FSTL4: variants seen among roughly 807,000 people sequenced by gnomAD.
FSTL4 encodes follistatin like 4, also known as follistatin-related protein 4.
Under a neutral mutation model 78.2 loss-of-function variants are expected in FSTL4, and 28 were observed. That is an observed-to-expected ratio of 0.36 (90% confidence interval 0.27 to 0.49). The LOEUF (loss-of-function observed/expected upper bound fraction) is 0.49. Ranked by LOEUF, FSTL4 falls within the 20% of genes least tolerant of loss-of-function variation. The pLI is 0.98. For missense variants in FSTL4, 922 were observed against 1,084.9 expected (o/e 0.85, Z 2.11); for synonymous variants, 422 against 440.5 (o/e 0.96, Z 0.53).
At chr5:133,810,351 C>T in the FSTL4 span, among the ~76,000 whole-genome samples, 99,709 of 152,074 alleles carry the variant, frequency 0.66, 33,267 homozygotes, top group East Asian at 0.81. Flanking sequence ...ACAGGATTTG[C>T]ATTTCGAAAA....
the FSTL4 span, among the ~76,000 whole-genome samples, chr5:133,793,406 G>A: frequency 6.6e-6 from 1 of 152,252 alleles, no homozygotes; most frequent in Non-Finnish European, 1.5e-5. Flanking sequence ...GCACCCTGCT[G>A]AGCTCCCGCC....
At chr5:133,570,021 A>T (rs1760115691) in intron 2 of FSTL4, among the ~76,000 whole-genome samples, 1 of 151,846 alleles carries the variant, frequency 6.6e-6, no homozygotes, top group African/African-American at 2.4e-5. Context: ...CATCCTGGCT[A>T]ACACGGTGAA....
the FSTL4 span, among the ~76,000 whole-genome samples, chr5:133,767,510 G>C: frequency 6.6e-6 from 1 of 152,206 alleles, no homozygotes; most frequent in African/African-American, 2.4e-5. Context: ...ATCTATGCTA[G>C]GGAGTTTGCT....
chr5:133,750,305 A>G, the FSTL4 span, among the ~76,000 whole-genome samples: 60 of 152,340 alleles, frequency 3.9e-4, no homozygotes, highest in African/African-American at 1.4e-3. Context: ...AGCCCAAAGC[A>G]GTGGTGAATT....
chr5:133,372,900 C>G (rs1297735513), intron 4 of FSTL4, among the ~76,000 whole-genome samples: 2 of 152,202 alleles, frequency 1.3e-5, no homozygotes, highest in African/African-American at 4.8e-5. Flanking sequence ...TTCTTTGTCA[C>G]AGCTGCTTTC....
intron 3 of FSTL4, among the ~76,000 whole-genome samples, chr5:133,473,717 C>T (rs1331042889): frequency 6.6e-6 from 1 of 152,140 alleles, no homozygotes; most frequent in Admixed American, 6.5e-5. Flanking sequence ...GGGTAATTTA[C>T]AGAGGAAAGA....
intron 3 of FSTL4, among the ~76,000 whole-genome samples, chr5:133,498,739 G>A (rs1758424496): frequency 6.7e-6 from 1 of 148,560 alleles, no homozygotes; most frequent in South Asian, 2.1e-4. Flanking sequence ...AAAGGATCAT[G>A]CCTTTTAAGC....
intron 3 of FSTL4, among the ~76,000 whole-genome samples, chr5:133,418,224 A>G (rs1756618436): frequency 6.6e-6 from 1 of 152,020 alleles, no homozygotes; most frequent in South Asian, 2.1e-4. Flanking sequence ...TCAAGAAGAA[A>G]AAAGATGGAT....
At chr5:133,704,191 G>A in the FSTL4 span, among the ~76,000 whole-genome samples, 3 of 152,154 alleles carry the variant, frequency 2.0e-5, no homozygotes, top group Non-Finnish European at 4.4e-5. Context: ...TGATGGAGGA[G>A]GAAACTGGGA....
chr5:133,292,748 T>A, intron 6 of FSTL4, among the ~76,000 whole-genome samples: 1 of 135,820 alleles, frequency 7.4e-6, no homozygotes, highest in Non-Finnish European at 1.6e-5. Context: ...AAAAAAAAAA[T>A]CCTCACAAGG....
At chr5:133,497,163 C>T (rs1467842482) in intron 3 of FSTL4, among the ~76,000 whole-genome samples, 1 of 152,238 alleles carries the variant, frequency 6.6e-6, no homozygotes, top group African/African-American at 2.4e-5. Flanking sequence ...GGGTCTACCA[C>T]AGCATTAGCT....
intron 3 of FSTL4, among the ~76,000 whole-genome samples, chr5:133,463,940 G>C (rs1757648795): frequency 6.6e-6 from 1 of 152,234 alleles, no homozygotes; most frequent in Non-Finnish European, 1.5e-5. Flanking sequence ...ATTTGGTGCA[G>C]AGCAGTTCCA....
chr5:133,711,757 G>A, the FSTL4 span, among the ~76,000 whole-genome samples: 540 of 152,286 alleles, frequency 3.5e-3, 2 homozygotes, highest in Non-Finnish European at 5.2e-3. Flanking sequence ...AAATACTTTC[G>A]TGTGATACAA....
At chr5:133,307,308 C>T (rs1003777706) in intron 6 of FSTL4, among the ~76,000 whole-genome samples, 3 of 152,142 alleles carry the variant, frequency 2.0e-5, no homozygotes, top group African/African-American at 7.2e-5. Context: ...TGAGTTGGGG[C>T]TTGAAGTTTA....
rs190838397 is a variant in FSTL4 at position 133,579,330 on chromosome 5, C to T, written c.127-12111G>A. ...GCAGTTTCCCAGCTGGCTCACGGAACATACTGACTGTCACTGAAGCCTGAC... is the reference window on the plus strand; with the variant it reads ...GCAGTTTCCCAGCTGGCTCACGGAATATACTGACTGTCACTGAAGCCTGAC... On this transcript the variant is annotated intron_variant, in intron 2 of 15. Transcript: ENST00000265342. Among the ~76,000 whole-genome samples the T allele has an allele frequency of 1.7e-3, 259 of 152,362 alleles. 5 individuals carry two copies. The highest frequency in any genetic ancestry group is 0.015 in the Admixed American group (233 of 15,304).
intron 8 of FSTL4, among the ~76,000 whole-genome samples, chr5:133,229,096 T>C (rs968329130): frequency 6.6e-6 from 1 of 152,134 alleles, no homozygotes; most frequent in African/African-American, 2.4e-5. Context: ...AAGAAAACAA[T>C]ATAACCTCAC....
chr5:133,658,072 C>G, the FSTL4 span, among the ~76,000 whole-genome samples: 1 of 151,916 alleles, frequency 6.6e-6, no homozygotes, highest in African/African-American at 2.4e-5. Context: ...TTCTTTTATT[C>G]CATTAATAGA....
chr5:133,788,968 A>T, the FSTL4 span, among the ~76,000 whole-genome samples: 2 of 152,176 alleles, frequency 1.3e-5, no homozygotes, highest in Non-Finnish European at 2.9e-5. Flanking sequence ...CTCCTCCAAG[A>T]GGCTGATTGC....
intron 3 of FSTL4, among the ~76,000 whole-genome samples, chr5:133,546,185 T>C (rs1208165857): frequency 1.3e-5 from 2 of 152,120 alleles, no homozygotes; most frequent in African/African-American, 4.8e-5. Context: ...TGGAAAGACC[T>C]GGAAAATTCT....
Sources: allele counts gnomAD v4.1 joint callset (sites outside exome capture counted in the v4.1 genomes callset), GRCh38; gene constraint gnomAD v4.1.1; transcripts MANE v1.5; gene names NCBI Gene and HGNC (gene_info 2026-07-23, HGNC 2026-07-21).